The following MAML3 variants were observed in gnomAD, a reference collection of about 807,000 sequenced individuals.
MAML3 encodes the protein mastermind-like protein 3.
MAML3 carries 27 observed loss-of-function variants against 101.9 expected under a neutral mutation model. That is an observed-to-expected ratio of 0.27 (90% CI 0.20 to 0.37). The LOEUF (loss-of-function observed/expected upper bound fraction) is 0.37, where lower values mean the gene tolerates loss of function less well. Ranked by LOEUF, MAML3 falls within the 10% of genes least tolerant of loss-of-function variation. The pLI is 1.00. For missense variants in MAML3, 1,316 were observed against 1,444.9 expected (o/e 0.91, Z 1.45); for synonymous variants, 501 against 555.9 (o/e 0.90, Z 1.39).
At chr4:140,112,158 T>G (rs1236600889) in intron 1 of MAML3, among the ~76,000 whole-genome samples, 1 of 152,102 alleles carries the variant, frequency 6.6e-6, no homozygotes, top group East Asian at 1.9e-4. Flanking sequence ...TTATAAATTA[T>G]TATTTTATTT....
intron 2 of MAML3, among the ~76,000 whole-genome samples, chr4:139,806,926 G>C (rs1366739513): frequency 6.6e-6 from 1 of 152,136 alleles, no homozygotes; most frequent in African/African-American, 2.4e-5. Flanking sequence ...GATACAGAGA[G>C]ATCATCTTGA....
intron 1 of MAML3, among the ~76,000 whole-genome samples, chr4:140,098,599 G>T (rs561985793): frequency 6.6e-6 from 1 of 152,200 alleles, no homozygotes; most frequent in East Asian, 1.9e-4. Flanking sequence ...CCAACTGGAC[G>T]CAGTACCAAT....
At chr4:139,927,389 C>A (rs1457534729) in intron 1 of MAML3, among the ~76,000 whole-genome samples, 5 of 152,160 alleles carry the variant, frequency 3.3e-5, no homozygotes, top group African/African-American at 1.2e-4. Flanking sequence ...CTGGTTTTTT[C>A]ACTGTAAAGT....
chr4:139,820,137 T>C (rs1470967970), intron 2 of MAML3, among the ~76,000 whole-genome samples: 1 of 152,202 alleles, frequency 6.6e-6, no homozygotes, highest in Non-Finnish European at 1.5e-5. Context: ...ATTTCTCTGA[T>C]CAGATAAAGG....
At chr4:140,113,816 G>C (rs964418062) in intron 1 of MAML3, among the ~76,000 whole-genome samples, 2 of 152,146 alleles carry the variant, frequency 1.3e-5, no homozygotes, top group African/African-American at 2.4e-5. Context: ...CAAAGTCACA[G>C]GCACAGTTTG....
At chr4:139,933,915 G>C (rs1733454076) in intron 1 of MAML3, among the ~76,000 whole-genome samples, 1 of 152,086 alleles carries the variant, frequency 6.6e-6, no homozygotes, top group Non-Finnish European at 1.5e-5. Context: ...TGAGTGCATG[G>C]GATTATGAGT....
chr4:139,811,389 AC>A (rs1430957879), intron 2 of MAML3, among the ~76,000 whole-genome samples: 1 of 152,154 alleles, frequency 6.6e-6, no homozygotes, highest in Non-Finnish European at 1.5e-5. Context: ...ACTATTAGCT[AC>A]TTAGGCTGCT....
intron 1 of MAML3, among the ~76,000 whole-genome samples, chr4:140,138,192 C>T (rs1728927637): frequency 1.3e-5 from 2 of 152,230 alleles, no homozygotes; most frequent in Non-Finnish European, 2.9e-5. Context: ...ACATATTCCA[C>T]TCTAACAAAT....
intron 1 of MAML3, among the ~76,000 whole-genome samples, chr4:140,136,834 T>A (rs766756677): frequency 6.6e-6 from 1 of 152,168 alleles, no homozygotes; most frequent in Non-Finnish European, 1.5e-5. Flanking sequence ...TGATAAACAA[T>A]GATGCTAAGA....
intron 2 of MAML3, among the ~76,000 whole-genome samples, chr4:139,833,318 GCTCGGCGGCAAA>G (rs1731202749): frequency 6.6e-6 from 1 of 152,232 alleles, no homozygotes; most frequent in Non-Finnish European, 1.5e-5. Context: ...CACACGCGGT[GCTCGGCGGCAAA>G]CTCAGTTTAC....
intron 2 of MAML3, among the ~76,000 whole-genome samples, chr4:139,793,028 G>A (rs938129787): frequency 6.6e-6 from 1 of 152,114 alleles, no homozygotes; most frequent in African/African-American, 2.4e-5. Flanking sequence ...TTACAGGCGT[G>A]AGACACCGCG....
chr4:140,124,165 G>A (rs1168729307), intron 1 of MAML3, among the ~76,000 whole-genome samples: 5 of 152,072 alleles, frequency 3.3e-5, no homozygotes, highest in East Asian at 1.9e-4. Flanking sequence ...ACAATCACAC[G>A]TTCTGCCCTT....
At chr4:139,873,843 C>T (rs1732059377) in intron 2 of MAML3, among the ~76,000 whole-genome samples, 1 of 152,208 alleles carries the variant, frequency 6.6e-6, no homozygotes, top group Non-Finnish European at 1.5e-5. Context: ...CCCAGCTAAG[C>T]TGCTCCTGCA....
intron 1 of MAML3, among the ~76,000 whole-genome samples, chr4:140,137,153 T>C (rs1385305930): frequency 6.7e-6 from 1 of 149,972 alleles, no homozygotes; most frequent in Non-Finnish European, 1.5e-5. Flanking sequence ...CGCGCCCGGC[T>C]AATTTTTTAT....
intron 1 of MAML3, chr4:140,133,262 G>T: frequency 3.1e-6 from 1 of 327,822 alleles, no homozygotes; most frequent in Non-Finnish European, 6.1e-6. Context: ...CAGTGGTCCT[G>T]CCTTATAAAA....
chr4:140,152,970 G>T lies in MAML3; in HGVS notation c.358C>A (p.Gln120Lys), dbSNP rs1729203046. Reference protein sequence around the residue: ...TVSLYQRTLEQRAKKSGAGTG... With the variant: ...TVSLYQRTLEKRAKKSGAGTG... ...CCGGCGCCCGATTTCTTGGCCCTCT[G>T]CTCCAGGGTCCGCTGGTAGAGGCTC... Residue 120 changes from glutamine to lysine, a missense_variant, in exon 1 of 5, where the codon CAG becomes AAG. By Grantham distance (53) the Gln-to-Lys change is moderately conservative. Transcript: ENST00000509479. 2.5e-6 allele frequency: 4 copies of T among 1,611,506 alleles called. No homozygotes were observed. The highest frequency in any genetic ancestry group is 3.4e-6 in the Non-Finnish European group (4 of 1,179,022).
At position 140,062,209 on chromosome 4, in the gene MAML3, C is replaced by T. The variant is rs565427470; in HGVS notation, c.468+90651G>A. Among the ~76,000 whole-genome samples the T allele has an allele frequency of 3.3e-5, 5 of 152,100 alleles. No individual in the cohort carries two copies. The South Asian group carries it at 8.3e-4, about 25-fold the overall frequency. On this transcript the variant is annotated intron_variant, in intron 1 of 4. Transcript: ENST00000509479. Reference sequence around the variant, plus strand: ...TAAAAAATTATTTTGAGTAACATACCTTCAGACCCTTTTGCCTTCTTAAGC... The same window carrying T: ...TAAAAAATTATTTTGAGTAACATACTTTCAGACCCTTTTGCCTTCTTAAGC...
chr4:139,847,510 T>A (rs1220163809), intron 2 of MAML3, among the ~76,000 whole-genome samples: 1 of 152,244 alleles, frequency 6.6e-6, no homozygotes, highest in Non-Finnish European at 1.5e-5. Context: ...ACTGGAACAC[T>A]GTTTTCTGGG....
At chr4:140,086,491 G>A (rs1727954155) in intron 1 of MAML3, among the ~76,000 whole-genome samples, 1 of 152,054 alleles carries the variant, frequency 6.6e-6, no homozygotes, top group Admixed American at 6.6e-5. Context: ...GAACAGAGAG[G>A]ATGAAGAAAT....
Sources: gnomAD v4.1 joint callset for allele counts (sites outside exome capture counted in the v4.1 genomes callset) on GRCh38, gnomAD v4.1.1 for gene constraint, MANE v1.5 for transcripts, NCBI Gene and HGNC (gene_info 2026-07-23, HGNC 2026-07-21) for gene names.